CFAP299: variants seen among roughly 807,000 people sequenced by gnomAD.
CFAP299 encodes the protein cilia- and flagella-associated protein 299.
A neutral mutation model predicts 27.0 loss-of-function variants in CFAP299; 21 were observed. The ratio of observed to expected loss-of-function variants is 0.78; its 90% confidence interval spans 0.55 to 1.12. The LOEUF (loss-of-function observed/expected upper bound fraction) is 1.12. Among genes scored for constraint, CFAP299 ranks in the 50% most tolerant of loss-of-function variants. The pLI, the probability that CFAP299 is intolerant of heterozygous loss-of-function variation, is 0.00. For missense variants in CFAP299, 310 were observed against 276.6 expected (o/e 1.12, Z -0.86); for synonymous variants, 104 against 98.1 (o/e 1.06, Z -0.36).
intron 3 of CFAP299, among the ~76,000 whole-genome samples, chr4:80,695,845 A>T (rs1479420381): frequency 6.6e-6 from 1 of 151,814 alleles, no homozygotes; most frequent in Non-Finnish European, 1.5e-5. Flanking sequence ...TTTAATAGAG[A>T]TAAGATTTCA....
rs187721442 is a variant in CFAP299, at chr4:80,861,116, G to A, written c.334-8877G>A. On this transcript the variant is annotated intron_variant, in intron 3 of 5. Coordinates refer to ENST00000358105, the MANE Select transcript of CFAP299 (RefSeq NM_152770.3). ...TACCTAAGCAAGCCTGGACAATGGC[G>A]GGCGCCCCTCCCCCAGCCTCGCTGC... Among the ~76,000 whole-genome samples the A allele has an allele frequency of 4.5e-3, 692 of 152,248 alleles. 7 individuals are homozygous for A. The highest frequency in any genetic ancestry group is 0.016 in the African/African-American group (657 of 41,544).
intron 2 of CFAP299, among the ~76,000 whole-genome samples, chr4:80,511,542 A>G (rs1250844189): frequency 6.6e-6 from 1 of 152,190 alleles, no homozygotes; most frequent in Non-Finnish European, 1.5e-5. Flanking sequence ...TTTCACTTAA[A>G]TGAATATGAC....
chr4:80,862,537 A>G (rs897081604), intron 3 of CFAP299, among the ~76,000 whole-genome samples: 1 of 152,152 alleles, frequency 6.6e-6, no homozygotes, highest in African/African-American at 2.4e-5. Context: ...CTTATGGTAA[A>G]TAACTACAGA....
chr4:80,766,572 ATTC>A lies in CFAP299; in HGVS notation c.334-103415_334-103413del, dbSNP rs1725874964. ...GACATACAGACTGGAGAGGAATATT[ATTC>A]TTCTTTTACAGAGAATGACATTGAG... On this transcript the variant is annotated intron_variant, in intron 3 of 5. Transcript: ENST00000358105. Among the ~76,000 whole-genome samples, 3 of 152,156 alleles carry A rather than the reference ATTC, an allele frequency of 2.0e-5. No individual in the cohort carries two copies. In the South Asian group the frequency reaches 6.2e-4, roughly 32 times the overall value.
chr4:80,406,805 A>T (rs982019655), intron 2 of CFAP299, among the ~76,000 whole-genome samples: 1 of 152,206 alleles, frequency 6.6e-6, no homozygotes, highest in African/African-American at 2.4e-5. Flanking sequence ...AGCTATTGAT[A>T]GGCATCTCAT....
In CFAP299 at chr4:80,481,547, G is replaced by A. The variant is rs538013703; in HGVS notation, c.243-101546G>A. Among the ~76,000 whole-genome samples, 78 of 151,824 alleles carry A rather than the reference G, an allele frequency of 5.1e-4. 1 individual carries two copies. The highest frequency in any genetic ancestry group is 1.8e-3 in the African/African-American group (73 of 41,450). ...TGATAATGTGGAATTTTTTTCTTGC[G>A]AGAATTTGGATTACTCACTGTAGCC... is the stretch of plus-strand genomic sequence containing the variant. On this transcript the variant is annotated intron_variant, in intron 2 of 5. Coordinates refer to ENST00000358105, the MANE Select transcript of CFAP299 (RefSeq NM_152770.3).
chr4:80,749,539 G>A (rs1378965930), intron 3 of CFAP299, among the ~76,000 whole-genome samples: 2 of 152,158 alleles, frequency 1.3e-5, no homozygotes, highest in African/African-American at 4.8e-5. Context: ...GCCAGTAGTG[G>A]ATCAATCCAA....
intron 2 of CFAP299, among the ~76,000 whole-genome samples, chr4:80,398,784 G>T (rs954454697): frequency 6.6e-6 from 1 of 152,082 alleles, no homozygotes; most frequent in Non-Finnish European, 1.5e-5. Context: ...GCATGGGCAA[G>T]GACTTCATGT....
At chr4:80,800,770 T>C (rs1248098635) in intron 3 of CFAP299, among the ~76,000 whole-genome samples, 1 of 128,682 alleles carries the variant, frequency 7.8e-6, no homozygotes, top group Non-Finnish European at 1.6e-5. Flanking sequence ...TGTGTGTGTA[T>C]ATATATATAT....
chr4:80,905,221 C>G (rs913542684), intron 4 of CFAP299, among the ~76,000 whole-genome samples: 10 of 152,146 alleles, frequency 6.6e-5, no homozygotes, highest in African/African-American at 2.2e-4. Flanking sequence ...CTTTACTTTA[C>G]AGTCAAATAT....
chr4:80,490,448 C>T (rs1731056815), intron 2 of CFAP299, among the ~76,000 whole-genome samples: 1 of 152,130 alleles, frequency 6.6e-6, no homozygotes, highest in South Asian at 2.1e-4. Flanking sequence ...TTGATGTTTT[C>T]AACATCCATC....
intron 5 of CFAP299, among the ~76,000 whole-genome samples, chr4:80,962,988 T>C (rs28502492): frequency 1.3e-4 from 20 of 151,982 alleles, no homozygotes; most frequent in African/African-American, 4.3e-4. Context: ...TTAAAAAAGA[T>C]GAAATCCTTT....
In CFAP299 at chr4:80,818,470, T is replaced by A. The variant is rs534616025; in HGVS notation, c.334-51523T>A. ...GTACTTGGGTCTCTTATATTGTATTTGGCTCTGCTGCTCTATATGACAATG... is the reference window on the plus strand; with the variant it reads ...GTACTTGGGTCTCTTATATTGTATTAGGCTCTGCTGCTCTATATGACAATG... On this transcript the variant is annotated intron_variant, in intron 3 of 5. Transcript: ENST00000358105. Among the ~76,000 whole-genome samples, 22 of 152,244 alleles carry A rather than the reference T, an allele frequency of 1.4e-4. No homozygotes were observed. In the South Asian group the frequency reaches 4.6e-3, roughly 32 times the overall value.
intron 1 of CFAP299, among the ~76,000 whole-genome samples, chr4:80,354,757 G>A (rs1266114592): frequency 1.3e-5 from 2 of 152,038 alleles, no homozygotes; most frequent in African/African-American, 4.8e-5. Flanking sequence ...CTACTTGTAA[G>A]TAATAACATG....
chr4:80,412,448 G>A (rs971334382), intron 2 of CFAP299, among the ~76,000 whole-genome samples: 1 of 152,060 alleles, frequency 6.6e-6, no homozygotes, highest in African/African-American at 2.4e-5. Flanking sequence ...GAGGAATAAC[G>A]CATGAACTCA....
intron 2 of CFAP299, among the ~76,000 whole-genome samples, chr4:80,525,484 C>T (rs1733126380): frequency 6.6e-6 from 1 of 152,194 alleles, no homozygotes; most frequent in African/African-American, 2.4e-5. Flanking sequence ...TGTATCTACT[C>T]TGGCCATTCT....
chr4:80,585,604 A>C (rs1051909600), intron 3 of CFAP299, among the ~76,000 whole-genome samples: 2 of 152,194 alleles, frequency 1.3e-5, no homozygotes, highest in African/African-American at 4.8e-5. Context: ...TGCTGTGCTC[A>C]GTAGTGTGGA....
chr4:80,955,015 A>C (rs867653313), intron 5 of CFAP299, among the ~76,000 whole-genome samples: 3,452 of 138,660 alleles, frequency 0.025, 542 homozygotes, highest in African/African-American at 0.089. Flanking sequence ...AAAAAAAAAA[A>C]AAAAAAAAAA....
chr4:80,961,756 TC>T (rs1208617060), intron 5 of CFAP299, among the ~76,000 whole-genome samples: 7 of 151,988 alleles, frequency 4.6e-5, no homozygotes, highest in African/African-American at 1.7e-4. Flanking sequence ...TTGTACTTTT[TC>T]CTGATGGGCG....
Sources: allele counts gnomAD v4.1 joint callset (sites outside exome capture counted in the v4.1 genomes callset), GRCh38; gene constraint gnomAD v4.1.1; transcripts MANE v1.5; gene names NCBI Gene and HGNC (gene_info 2026-07-23, HGNC 2026-07-21).